Variants in TPGS2 observed in about 807,000 individuals in gnomAD.
TPGS2 encodes polyglutamylase subunit 2.
Under a neutral mutation model 31.1 loss-of-function variants are expected in TPGS2, and 26 were observed. The observed-to-expected ratio is 0.84, with a 90% CI of 0.61 to 1.16. TPGS2 has a LOEUF of 1.16. Among genes scored for constraint, TPGS2 ranks in the 50% most tolerant of loss-of-function variants. The pLI, the probability that TPGS2 is intolerant of heterozygous loss-of-function variation, is 0.00. For missense variants in TPGS2, 351 were observed against 363.8 expected, an observed-to-expected ratio of 0.96 and a Z score of 0.29; for synonymous variants, 130 against 136.6, an observed-to-expected ratio of 0.95 and a Z score of 0.34.
chr18:36,801,754 C>G (rs992701683), intron 4 of TPGS2, among the ~76,000 whole-genome samples: 1 of 148,788 alleles, frequency 6.7e-6, no homozygotes, highest in Non-Finnish European at 1.5e-5. Flanking sequence ...TTATGATTTT[C>G]TCTTTATCTT....
In TPGS2 at chr18:36,800,257, T is replaced by C. The variant is rs899664024; in HGVS notation, c.437A>G (p.Glu146Gly). Residue 146 changes from glutamate (E) to glycine (G), a missense_variant, in exon 5 of 7, where the codon GAG becomes GGG. Glu to Gly is a moderately conservative substitution (Grantham distance 98). Coordinates refer to ENST00000334295, the MANE Select transcript of TPGS2 (RefSeq NM_015476.4). ...CCCACTGCCATTGCATGAATCCAGC[T>C]CAAATATCACACTGCGAGAGTCAAA... ...PHFDSRSVIF[E>G]LDSCNGSGKV... The C allele has an allele frequency of 6.2e-7, 1 of 1,614,150 alleles. No individual in the cohort carries two copies. The highest frequency in any genetic ancestry group is 8.5e-7 in the Non-Finnish European group (1 of 1,180,016).
chr18:36,800,776 A>T (rs558023988), intron 4 of TPGS2, among the ~76,000 whole-genome samples: 2 of 149,282 alleles, frequency 1.3e-5, no homozygotes, highest in African/African-American at 4.9e-5. Flanking sequence ...TGCAACCTCC[A>T]CCTCCCGGGT....
intron 6 of TPGS2, 99 bp from the exon 7 acceptor site, chr18:36,797,149 A>G: frequency 6.4e-7 from 1 of 1,556,026 alleles, no homozygotes; most frequent in Non-Finnish European, 8.6e-7. Flanking sequence ...AACAGGAGGC[A>G]GAGGTACATT....
chr18:36,817,091 T>C (rs536269645), intron 2 of TPGS2, among the ~76,000 whole-genome samples: 30 of 152,360 alleles, frequency 2.0e-4, no homozygotes, highest in African/African-American at 7.2e-4. Flanking sequence ...AAGAGTTTCA[T>C]AGCCACTGTT....
chr18:36,805,418 G>C lies in TPGS2; in HGVS notation c.338C>G (p.Pro113Arg), dbSNP rs374431674. ...QLTQSSMYSLPNAPTLADLED... is the reference protein window; with the variant it reads ...QLTQSSMYSLRNAPTLADLED... ...CAGGTCTGCCAGAGTGGGTGCATTAGGAAGTGAATACATGGAAGACTGGGT... is the reference window on the plus strand; with the variant it reads ...CAGGTCTGCCAGAGTGGGTGCATTACGAAGTGAATACATGGAAGACTGGGT... Residue 113 changes from proline (P) to arginine (R), a missense_variant, in exon 4 of 7, where the codon CCT becomes CGT. Physicochemically the swap from Pro to Arg is moderately radical, Grantham distance 103 (BLOSUM62 -2). Coordinates refer to ENST00000334295, the MANE Select transcript of TPGS2 (RefSeq NM_015476.4). 18 of 1,613,894 alleles carry C rather than the reference G, an allele frequency of 1.1e-5. No homozygotes were observed. Among genetic ancestry groups the C allele is most frequent in the Non-Finnish European group, 1.5e-5 (18 of 1,179,900 alleles).
At chr18:36,810,427 T>C (rs1361916311) in intron 2 of TPGS2, among the ~76,000 whole-genome samples, 1 of 152,146 alleles carries the variant, frequency 6.6e-6, no homozygotes, top group Non-Finnish European at 1.5e-5. Flanking sequence ...AAGAGTTTGC[T>C]TTTCCACAGG....
At chr18:36,810,642 G>A (rs958520256) in intron 2 of TPGS2, among the ~76,000 whole-genome samples, 2 of 152,182 alleles carry the variant, frequency 1.3e-5, no homozygotes, top group African/African-American at 2.4e-5. Context: ...ACAGCTGATT[G>A]CATCAAGATG....
intron 6 of TPGS2, 93 bp downstream of exon 6, chr18:36,798,356 C>A: frequency 1.3e-6 from 2 of 1,577,938 alleles, no homozygotes; most frequent in South Asian, 1.2e-5. Context: ...TCTCCTGAAT[C>A]AGATAGGGAA....
At position 36,796,218 on chromosome 18, in the gene TPGS2, C is replaced by CAACA. The variant is rs2044518756; in HGVS notation, c.*583_*586dup. ...CATCCAATGAAGACATCAACATTAA[C>CAACA]AACAAAAATTAATTGAGGAAGAGCA... On this transcript the variant is annotated 3_prime_UTR_variant, in exon 7 of 7. Coordinates refer to ENST00000334295, the MANE Select transcript of TPGS2 (RefSeq NM_015476.4). The CAACA allele has an allele frequency of 1.0e-6, 1 of 985,336 alleles. No homozygotes were observed. Among genetic ancestry groups the CAACA allele is most frequent in the Non-Finnish European group, 1.2e-6 (1 of 829,912 alleles). The allele number at this position is 985,336 out of a possible 1,614,324, so 61.0% of individuals were successfully genotyped here.
Position 36,803,504 on chromosome 18 carries a change from G to C in TPGS2, c.382+1870C>G, listed in dbSNP as rs539964937. 4.6e-5 allele frequency among the ~76,000 whole-genome samples: 7 copies of C among 152,248 alleles called. No individual in the cohort carries two copies. The South Asian group carries it at 1.5e-3, about 32-fold the overall frequency. Reference sequence around the variant, plus strand: ...TCTCATCTGTTCAACTTGGGTCTAGGTGGGCCCTTTCCATCTGCAGAGAGG... The same window carrying C: ...TCTCATCTGTTCAACTTGGGTCTAGCTGGGCCCTTTCCATCTGCAGAGAGG... On this transcript the variant is annotated intron_variant, in intron 4 of 6. Transcript: ENST00000334295.
chr18:36,781,992 T>A, downstream of TPGS2: 3 of 949,640 alleles, frequency 3.2e-6, no homozygotes, highest in Non-Finnish European at 3.8e-6. Flanking sequence ...GGTACAATAT[T>A]CCACTTATGG....
chr18:36,797,388 C>G (rs2044581512), intron 6 of TPGS2, among the ~76,000 whole-genome samples: 1 of 151,918 alleles, frequency 6.6e-6, no homozygotes, highest in South Asian at 2.1e-4. Context: ...TATTGTTCTG[C>G]CCTCAAACCA....
In TPGS2 at chr18:36,803,728, G is replaced by T. The variant is rs117881041; in HGVS notation, c.382+1646C>A. On this transcript the variant is annotated intron_variant, in intron 4 of 6. Coordinates refer to ENST00000334295, the MANE Select transcript of TPGS2 (RefSeq NM_015476.4). ...CACTTGATTTTTCAGGCTAACTCAGGTCTCAATAAAATACATATACTCCTC... is the reference window on the plus strand; with the variant it reads ...CACTTGATTTTTCAGGCTAACTCAGTTCTCAATAAAATACATATACTCCTC... Among the ~76,000 whole-genome samples the T allele has an allele frequency of 6.6e-5, 10 of 151,868 alleles. No homozygotes were observed. The East Asian group carries it at 1.9e-3, about 29-fold the overall frequency.
At chr18:36,786,804 G>A (rs1567989726) in intron 6 of TPGS2, 1 of 1,234,192 alleles carries the variant, frequency 8.1e-7, no homozygotes, top group Non-Finnish European at 1.0e-6. Flanking sequence ...CTTGGTTGGA[G>A]AGTTTTATTT....
chr18:36,797,090 G>GA (rs772596196), intron 6 of TPGS2, 40 bp from the exon 7 acceptor site: 19 of 1,594,588 alleles, frequency 1.2e-5, no homozygotes, highest in South Asian at 3.5e-5. Flanking sequence ...CAATTCAAAG[G>GA]AAAAATGCCA....
At chr18:36,801,929 C>T (rs2044839003) in intron 4 of TPGS2, among the ~76,000 whole-genome samples, 1 of 152,194 alleles carries the variant, frequency 6.6e-6, no homozygotes. Flanking sequence ...TCTTCTCAGA[C>T]TCCAATTACA....
At chr18:36,786,918 G>C in intron 6 of TPGS2, 2 of 1,234,396 alleles carry the variant, frequency 1.6e-6, no homozygotes, top group Non-Finnish European at 2.0e-6. Context: ...ATTGGCGCCT[G>C]CTGCACACGC....
downstream of TPGS2, among the ~76,000 whole-genome samples, chr18:36,790,467 C>T (rs1000403770): frequency 2.6e-5 from 4 of 152,192 alleles, no homozygotes; most frequent in Non-Finnish European, 4.4e-5. Flanking sequence ...GGCCTGGGTG[C>T]TAAGAGCTAT....
chr18:36,808,084 C>G (rs2045251807), intron 2 of TPGS2, 150 bp from the exon 3 acceptor site: 2 of 735,218 alleles, frequency 2.7e-6, no homozygotes, highest in Non-Finnish European at 4.4e-6. Flanking sequence ...ATTAGAGAGG[C>G]ACTGGGGTCT....
Sources: allele counts gnomAD v4.1 joint callset (sites outside exome capture counted in the v4.1 genomes callset), GRCh38; gene constraint gnomAD v4.1.1; transcripts MANE v1.5; gene names NCBI Gene and HGNC (gene_info 2026-07-23, HGNC 2026-07-21).